Variants in NXPH1 observed in about 807,000 individuals in gnomAD.
The protein encoded by NXPH1 is neurexophilin-1.
NXPH1 carries 5 observed loss-of-function variants against 23.7 expected under a neutral mutation model. The observed-to-expected ratio is 0.21, with a 90% confidence interval of 0.11 to 0.44. The LOEUF (loss-of-function observed/expected upper bound fraction) is 0.44. Among genes scored for constraint, NXPH1 ranks in the 20% least tolerant of loss-of-function variants. The pLI, the probability that NXPH1 is intolerant of heterozygous loss-of-function variation, is 0.99. For missense variants in NXPH1, 324 were observed against 321.6 expected (o/e 1.01, Z -0.06); for synonymous variants, 144 against 122.2 (o/e 1.18, Z -1.18).
chr7:8,703,374 T>G (rs530436721), intron 2 of NXPH1, among the ~76,000 whole-genome samples: 1 of 152,262 alleles, frequency 6.6e-6, no homozygotes, highest in Admixed American at 6.5e-5. Context: ...GTGAAATCAC[T>G]TCCCTAAGTT....
chr7:8,607,886 T>C (rs74764002), intron 2 of NXPH1, among the ~76,000 whole-genome samples: 1 of 152,240 alleles, frequency 6.6e-6, no homozygotes, highest in African/African-American at 2.4e-5. Context: ...TAATCCAATA[T>C]GACTGGTGCC....
chr7:8,658,854 G>A (rs896593964), intron 2 of NXPH1, among the ~76,000 whole-genome samples: 1 of 152,114 alleles, frequency 6.6e-6, no homozygotes, highest in Non-Finnish European at 1.5e-5. Flanking sequence ...AGATGATTTT[G>A]GGACAGGGTA....
At chr7:8,643,245 T>C (rs995292490) in intron 2 of NXPH1, among the ~76,000 whole-genome samples, 9 of 152,180 alleles carry the variant, frequency 5.9e-5, no homozygotes, top group African/African-American at 2.2e-4. Flanking sequence ...TGGTACATTT[T>C]CGCTATTTTA....
At chr7:8,545,038 T>C (rs1818178675) in intron 2 of NXPH1, among the ~76,000 whole-genome samples, 1 of 151,562 alleles carries the variant, frequency 6.6e-6, no homozygotes, top group Non-Finnish European at 1.5e-5. Context: ...TTCTTTCTAC[T>C]TTCACAGAAG....
intron 2 of NXPH1, among the ~76,000 whole-genome samples, chr7:8,543,452 G>A (rs1256001460): frequency 6.6e-6 from 1 of 151,436 alleles, no homozygotes; most frequent in Non-Finnish European, 1.5e-5. Context: ...GTATTCAGCA[G>A]GTTTTAAACT....
intron 2 of NXPH1, among the ~76,000 whole-genome samples, chr7:8,730,475 G>A (rs919354022): frequency 3.9e-5 from 6 of 152,000 alleles, no homozygotes; most frequent in African/African-American, 1.5e-4. Context: ...GCAGCAGCTG[G>A]TACCGGTTGT....
Position 8,735,565 on chromosome 7 carries a change from T to C in NXPH1, c.55-15443T>C, listed in dbSNP as rs568275226. Among the ~76,000 whole-genome samples, 5 of 152,308 alleles carry C rather than the reference T, an allele frequency of 3.3e-5. No homozygotes were observed. The East Asian group carries it at 9.7e-4, about 29-fold the overall frequency. On this transcript the variant is annotated intron_variant, in intron 2 of 2. Transcript: ENST00000405863. ...AGTATTTTATTGAGGATTTTCACAT[T>C]GATGTTCATCAGGGATATTGGCCTG...
chr7:8,481,905 A>G (rs1817078880), intron 2 of NXPH1, among the ~76,000 whole-genome samples: 2 of 152,144 alleles, frequency 1.3e-5, no homozygotes, highest in Non-Finnish European at 2.9e-5. Context: ...TCTTGCATAG[A>G]TCACACTCAG....
chr7:8,608,147 G>A (rs754260445), intron 2 of NXPH1, among the ~76,000 whole-genome samples: 58 of 152,170 alleles, frequency 3.8e-4, no homozygotes, highest in Non-Finnish European at 6.0e-4. Context: ...CAGCCACCCA[G>A]TTTGTGGTAC....
At chr7:8,481,016 A>C (rs1281709804) in intron 2 of NXPH1, among the ~76,000 whole-genome samples, 1 of 152,216 alleles carries the variant, frequency 6.6e-6, no homozygotes, top group African/African-American at 2.4e-5. Context: ...TTTCATTTGT[A>C]CATCGGTGCT....
intron 2 of NXPH1, among the ~76,000 whole-genome samples, chr7:8,453,220 A>G (rs987329874): frequency 1.2e-4 from 19 of 152,168 alleles, no homozygotes; most frequent in Non-Finnish European, 1.5e-5. Context: ...GTATTCAGAA[A>G]CTGTCATCAT....
intron 2 of NXPH1, among the ~76,000 whole-genome samples, chr7:8,706,526 A>G (rs1315551104): frequency 1.3e-5 from 2 of 152,286 alleles, no homozygotes; most frequent in East Asian, 3.9e-4. Flanking sequence ...GTTGCATTCT[A>G]TGTAAATGTT....
intron 2 of NXPH1, among the ~76,000 whole-genome samples, chr7:8,668,139 T>A (rs1820807445): frequency 6.6e-6 from 1 of 152,126 alleles, no homozygotes; most frequent in African/African-American, 2.4e-5. Context: ...CTTGAAGTGT[T>A]CCAGACTTTC....
At chr7:8,743,473 C>G (rs886586434) in intron 2 of NXPH1, among the ~76,000 whole-genome samples, 5 of 151,890 alleles carry the variant, frequency 3.3e-5, no homozygotes, top group Non-Finnish European at 5.9e-5. Flanking sequence ...TCACGTACAG[C>G]CAGAATAGTT....
chr7:8,671,493 G>A (rs1339734120), intron 2 of NXPH1, among the ~76,000 whole-genome samples: 2 of 152,154 alleles, frequency 1.3e-5, no homozygotes, highest in Non-Finnish European at 2.9e-5. Flanking sequence ...CTGGAATGAG[G>A]TACTATGGAA....
chr7:8,633,647 G>C (rs6963180), intron 2 of NXPH1, among the ~76,000 whole-genome samples: 49,458 of 151,878 alleles, frequency 0.33, 8,457 homozygotes, highest in African/African-American at 0.43. Flanking sequence ...GTTTAGTAAC[G>C]TTTAACAATT....
At chr7:8,595,835 A>T (rs564959167) in intron 2 of NXPH1, among the ~76,000 whole-genome samples, 1 of 152,014 alleles carries the variant, frequency 6.6e-6, no homozygotes, top group Non-Finnish European at 1.5e-5. Flanking sequence ...ATCCTTTACC[A>T]TCGCTTTTAG....
chr7:8,699,566 A>C (rs987128137), intron 2 of NXPH1, among the ~76,000 whole-genome samples: 3 of 152,170 alleles, frequency 2.0e-5, no homozygotes, highest in African/African-American at 7.2e-5. Flanking sequence ...CTATCACCAA[A>C]GCATTTTAAT....
chr7:8,502,392 TA>T (rs1274893609), intron 2 of NXPH1, among the ~76,000 whole-genome samples: 1 of 151,992 alleles, frequency 6.6e-6, no homozygotes, highest in African/African-American at 2.4e-5. Flanking sequence ...GCCCTTATGT[TA>T]AAGATTAATT....
Sources: allele counts gnomAD v4.1 joint callset (sites outside exome capture counted in the v4.1 genomes callset), GRCh38; gene constraint gnomAD v4.1.1; transcripts MANE v1.5; gene names NCBI Gene and HGNC (gene_info 2026-07-23, HGNC 2026-07-21).